The following ABHD16A variants were observed in gnomAD, a reference collection of about 807,000 sequenced individuals.
ABHD16A encodes the protein phosphatidylserine lipase ABHD16A.
A neutral mutation model predicts 89.8 loss-of-function variants in ABHD16A; 47 were observed. The observed-to-expected ratio is 0.52, with a 90% CI of 0.41 to 0.67. The LOEUF is 0.67. Ranked by LOEUF, ABHD16A falls within the 30% of genes least tolerant of loss-of-function variation. ABHD16A has a pLI of 0.00. For synonymous variants in ABHD16A, 251 were observed against 280.4 expected, an observed-to-expected ratio of 0.90 and a Z score of 1.05; for missense variants, 580 against 734.6, an observed-to-expected ratio of 0.79 and a Z score of 2.43.
At chr6:31,692,058 C>T (rs1803938590) in intron 7 of ABHD16A, 140 bp from the exon 8 acceptor site, 3 of 667,300 alleles carry the variant, frequency 4.5e-6, no homozygotes, top group Non-Finnish European at 7.5e-6. Flanking sequence ...CTCTTTCAAG[C>T]CTTAATGAAA....
intron 2 of ABHD16A, among the ~76,000 whole-genome samples, chr6:31,701,708 C>A (rs114851676): frequency 6.6e-6 from 1 of 152,166 alleles, no homozygotes; most frequent in Non-Finnish European, 1.5e-5. Context: ...CCAAGAGATG[C>A]GCAAACGTCA....
chr6:31,701,397 T>C, intron 2 of ABHD16A, 57 bp from the exon 3 acceptor site: 3 of 1,398,938 alleles, frequency 2.1e-6, no homozygotes, highest in Non-Finnish European at 3.0e-6. Context: ...ACACCTGCCA[T>C]TCCAGGCATA....
In ABHD16A at chr6:31,691,894, C is replaced by G; in HGVS notation, c.651G>C (p.Gly217=). 2 of 1,610,058 alleles carry G rather than the reference C, an allele frequency of 1.2e-6. No homozygotes were observed. Among genetic ancestry groups the G allele is most frequent in the Non-Finnish European group, 1.7e-6 (2 of 1,179,196 alleles). ...CAGAGCCTGGATACAGCATCCGGCG[C>G]CCTAGGGTGTGCGCCACCAGGTAGC... ...ITSYLVAHTL[G]RRMLYPGSVY... Residue 217 remains glycine (G), a synonymous_variant, in exon 8 of 20, where the codon GGG becomes GGC. Transcript: ENST00000395952.
intron 7 of ABHD16A, 95 bp from the exon 8 acceptor site, chr6:31,692,013 C>CCTTACAGT: frequency 1.1e-6 from 1 of 892,016 alleles, no homozygotes; most frequent in Non-Finnish European, 1.7e-6. Context: ...GACTGTAAGG[C>CCTTACAGT]CTGCTTTACC....
At position 31,688,944 on chromosome 6, in the gene ABHD16A, G is replaced by A; in HGVS notation, c.1186+71C>T. ...CTTACTCCCCACCCAAGAAAAGGGA[G>A]CCATCTCAGAACAGTTCCCAGTTCC... On this transcript the variant is annotated intron_variant, in intron 13 of 19. Transcript: ENST00000395952. The surrounding 1 kb of genome is among the most constrained non-coding windows in gnomAD (Gnocchi z 4.9). The A allele has an allele frequency of 6.8e-7, 1 of 1,474,792 alleles. No homozygotes were observed. Among genetic ancestry groups the A allele is most frequent in the South Asian group, 1.2e-5 (1 of 82,314 alleles). The allele number at this position is 1,474,792 out of a possible 1,614,324, so 91.4% of individuals were successfully genotyped here.
chr6:31,695,796 C>T (rs1011574786), intron 5 of ABHD16A, among the ~76,000 whole-genome samples: 1 of 152,154 alleles, frequency 6.6e-6, no homozygotes, highest in African/African-American at 2.4e-5. Context: ...TTTGGAAGGC[C>T]AAGGCAGGCA....
chr6:31,702,721 T>A, intron 1 of ABHD16A: 1 of 1,543,516 alleles, frequency 6.5e-7, no homozygotes, highest in Non-Finnish European at 8.7e-7. Context: ...CATTCTGAAA[T>A]TCAAGGCGAG....
chr6:31,688,853 A>T lies in ABHD16A; in HGVS notation c.1187-67T>A, dbSNP rs2151223317. ...CTTGCCCAACATAAAGGTCCTCACT[A>T]TTCACGGAGAAAGAAAACTGAGGCC... is the stretch of plus-strand genomic sequence containing the variant. On this transcript the variant is annotated intron_variant, in intron 13 of 19. Coordinates refer to ENST00000395952, the MANE Select transcript of ABHD16A (RefSeq NM_021160.3). The surrounding 1 kb of genome is among the most constrained non-coding windows in gnomAD (Gnocchi z 4.9). 6.5e-7 allele frequency: 1 copy of T among 1,538,178 alleles called. No individual in the cohort carries two copies. The highest frequency in any genetic ancestry group is 1.4e-5 in the African/African-American group (1 of 72,922).
At chr6:31,692,529 T>C (rs939429814) in intron 7 of ABHD16A, among the ~76,000 whole-genome samples, 47 of 152,348 alleles carry the variant, frequency 3.1e-4, no homozygotes, top group African/African-American at 1.1e-3. Flanking sequence ...GGATTTACCA[T>C]GTGCTCTCAA....
chr6:31,689,216 A>T (rs1803609702), intron 12 of ABHD16A, 97 bp from the exon 13 acceptor site: 1 of 1,082,296 alleles, frequency 9.2e-7, no homozygotes, highest in Non-Finnish European at 1.3e-6. Flanking sequence ...GGCCAACCCC[A>T]TTCCCCCTAT....
Position 31,687,816 on chromosome 6 carries a change from CTT to C in ABHD16A, c.1447+6_1447+7del. ...CCCCGCCCCAAGCCTCACTGGATCC[CTT>C]CTCACCTTCCTCCAGCTGTGAGGAG... On this transcript the variant is annotated splice_donor_region_variant and intron_variant, in intron 17 of 19. Coordinates refer to ENST00000395952, the MANE Select transcript of ABHD16A (RefSeq NM_021160.3). This position sits in a 1 kb window ranked among gnomAD's most constrained non-coding sequence, Gnocchi z 6.3. 1 of 1,613,014 alleles carries C rather than the reference CTT, an allele frequency of 6.2e-7. No homozygotes were observed. Among genetic ancestry groups the C allele is most frequent in the Non-Finnish European group, 8.5e-7 (1 of 1,180,032 alleles).
At chr6:31,691,130 C>T (rs1038822291) in intron 9 of ABHD16A, among the ~76,000 whole-genome samples, 6 of 152,132 alleles carry the variant, frequency 3.9e-5, no homozygotes, top group African/African-American at 1.4e-4. Context: ...TCCACGGCTG[C>T]TTCATGGAGG....
chr6:31,697,044 A>C lies in ABHD16A; in HGVS notation c.344-11T>G. 6.2e-7 allele frequency: 1 copy of C among 1,609,790 alleles called. No homozygotes were observed. On this transcript the variant is annotated splice_polypyrimidine_tract_variant and intron_variant, in intron 4 of 19. Coordinates refer to ENST00000395952, the MANE Select transcript of ABHD16A (RefSeq NM_021160.3). The stretch of plus-strand genomic sequence containing the variant: ...TCCAGCGGCCAATGCCTGGTAGAAA[A>C]AGGACAGGAAACAGTGCTAGGAAAA...
intron 2 of ABHD16A, 43 bp downstream of exon 2, chr6:31,702,022 AGGACAGGTG>A: frequency 6.2e-7 from 1 of 1,606,656 alleles, no homozygotes; most frequent in Non-Finnish European, 8.5e-7. Flanking sequence ...TAAGTTCAAG[AGGACAGGTG>A]GGTCTGAAAG....
chr6:31,687,292 G>A lies in ABHD16A; in HGVS notation c.1597C>T (p.Arg533Trp), dbSNP rs563272053. The change falls in exon 20 of 20, where the codon CGG becomes TGG. Residue 533 changes from arginine to tryptophan, a missense_variant. Arg to Trp is a moderately radical substitution (Grantham distance 101, BLOSUM62 -3). This residue lies in a region of ABHD16A where 415 missense variants were observed against 568.8 expected (regional missense o/e 0.73). Transcript: ENST00000395952. This position sits in a 1 kb window ranked among gnomAD's most constrained non-coding sequence, Gnocchi z 6.3. ...GRRQLALFLA[R>W]KHLHNFEATH... is the part of the protein sequence containing the mutation. Reference sequence around the variant, plus strand: ...GCCTCAAAGTTGTGCAGATGCTTCCGAGCCTGAGGAAAGGAGGTGGGACAG... The same window carrying A: ...GCCTCAAAGTTGTGCAGATGCTTCCAAGCCTGAGGAAAGGAGGTGGGACAG... The A allele has an allele frequency of 5.6e-6, 9 of 1,612,740 alleles. No homozygotes were observed. The highest frequency in any genetic ancestry group is 2.2e-5 in the East Asian group (1 of 44,888).
At position 31,687,442 on chromosome 6, in the gene ABHD16A, C is replaced by G. The variant is rs1011366780; in HGVS notation, c.1593+56G>C. On this transcript the variant is annotated intron_variant, in intron 19 of 19. Coordinates refer to ENST00000395952, the MANE Select transcript of ABHD16A (RefSeq NM_021160.3). This position sits in a 1 kb window ranked among gnomAD's most constrained non-coding sequence, Gnocchi z 6.3. ...ATGCTTATAGGGTATCCCCAGTCCCCCTATGTGAGCCCTGGCCATTCAAGA... is the reference window on the plus strand; with the variant it reads ...ATGCTTATAGGGTATCCCCAGTCCCGCTATGTGAGCCCTGGCCATTCAAGA... 5.6e-6 allele frequency: 9 copies of G among 1,612,352 alleles called. No individual in the cohort carries two copies. The highest frequency in any genetic ancestry group is 5.3e-5 in the African/African-American group (4 of 74,858).
rs139601328 is a variant in ABHD16A, at chr6:31,690,025, G to C, written c.957+53C>G. 84 of 1,527,120 alleles carry C rather than the reference G, an allele frequency of 5.5e-5. No individual in the cohort carries two copies. The African/African-American group carries it at 1.0e-3, about 19-fold the overall frequency. The allele number at this position is 1,527,120 out of a possible 1,614,324, so 94.6% of individuals were successfully genotyped here. On this transcript the variant is annotated intron_variant, in intron 11 of 19. Transcript: ENST00000395952. This position sits in a 1 kb window ranked among gnomAD's most constrained non-coding sequence, Gnocchi z 4.1. ...CTCTCCTCCCTCCAATGGCTGACCA[G>C]AGGGAAACAGACATAATTCAGGAAA...
chr6:31,699,357 C>T (rs966616732), intron 4 of ABHD16A, among the ~76,000 whole-genome samples: 33 of 139,790 alleles, frequency 2.4e-4, no homozygotes, highest in African/African-American at 8.0e-4. Flanking sequence ...TGCAGTGAGC[C>T]GAGATCGCGC....
intron 2 of ABHD16A, 40 bp from the exon 3 acceptor site, chr6:31,701,380 CA>C: frequency 6.7e-7 from 1 of 1,496,700 alleles, no homozygotes; most frequent in Non-Finnish European, 9.3e-7. Flanking sequence ...AATACACACA[CA>C]CACACACACC....
Sources: gnomAD v4.1 joint callset for allele counts (sites outside exome capture counted in the v4.1 genomes callset) on GRCh38, gnomAD v4.1.1 for gene constraint, gnomAD v4.1.1 regional missense constraint, Gnocchi (gnomAD v3.1) non-coding constraint, MANE v1.5 for transcripts, NCBI Gene and HGNC (gene_info 2026-07-23, HGNC 2026-07-21) for gene names.